MGAT5: variants seen among roughly 807,000 people sequenced by gnomAD.
The protein encoded by MGAT5 is alpha-1,6-mannosylglycoprotein 6-beta-N-acetylglucosaminyltransferase.
MGAT5 carries 30 observed loss-of-function variants against 94.3 expected under a neutral mutation model. That is an observed-to-expected ratio of 0.32 (90% confidence interval 0.24 to 0.43). The LOEUF (loss-of-function observed/expected upper bound fraction) is 0.43, where lower values mean the gene tolerates loss of function less well. MGAT5 is among the 20% of genes least tolerant of loss of function. The pLI is 1.00. For synonymous variants in MGAT5, 310 were observed against 322.9 expected (o/e 0.96, Z 0.43); for missense variants, 691 against 905.5 (o/e 0.76, Z 3.04).
intron 1 of MGAT5, among the ~76,000 whole-genome samples, chr2:134,207,176 T>C (rs1038442958): frequency 2.6e-5 from 4 of 152,294 alleles, no homozygotes; most frequent in Middle Eastern, 3.4e-3. Flanking sequence ...ACTTTTTAGA[T>C]AGTGATTCTT....
intron 1 of MGAT5, among the ~76,000 whole-genome samples, chr2:134,190,854 G>T (rs759895056): frequency 7.2e-5 from 11 of 152,128 alleles, no homozygotes; most frequent in Non-Finnish European, 1.2e-4. Context: ...TTGCCATGTT[G>T]CCCAGGCTGG....
At chr2:134,266,265 G>A (rs939576747) in intron 1 of MGAT5, among the ~76,000 whole-genome samples, 3 of 151,814 alleles carry the variant, frequency 2.0e-5, no homozygotes, top group Non-Finnish European at 2.9e-5. Flanking sequence ...CTGTTACCCA[G>A]GCTGGAGTGC....
At chr2:134,281,358 G>A (rs1477717532) in intron 2 of MGAT5, among the ~76,000 whole-genome samples, 6 of 152,304 alleles carry the variant, frequency 3.9e-5, no homozygotes, top group Admixed American at 2.6e-4. Context: ...GTCAGGCATC[G>A]GAAATGCAGC....
chr2:134,406,743 A>C (rs908590899), intron 11 of MGAT5, among the ~76,000 whole-genome samples: 1 of 152,106 alleles, frequency 6.6e-6, no homozygotes, highest in African/African-American at 2.4e-5. Flanking sequence ...AAAAAAAAAA[A>C]AAATAGCTGT....
At position 134,254,545 on chromosome 2, in the gene MGAT5, G is replaced by A. The variant is rs1372248702; in HGVS notation, c.142G>A (p.Glu48Lys). ...TQPESSSMLR[E>K]QILDLSKRYI... is the part of the protein sequence containing the mutation. ...GCCTGAAAGCAGCTCCATGCTGCGC[G>A]AGCAGATCCTGGACCTCAGCAAAAG... The change falls in exon 1 of 16, where the codon GAG becomes AAG. Residue 48 changes from glutamate (E) to lysine (K), a missense_variant. Around this residue, in one of 4 missense-constraint regions of MGAT5, gnomAD observed 307 missense variants for 335.4 expected, o/e 0.92. Coordinates refer to ENST00000281923, the MANE Select transcript of MGAT5 (RefSeq NM_002410.5). The A allele has an allele frequency of 3.1e-6, 5 of 1,614,198 alleles. No homozygotes were observed. Among genetic ancestry groups the A allele is most frequent in the East Asian group, 2.2e-5 (1 of 44,888 alleles).
At chr2:134,288,075 T>G (rs1685119441) in intron 2 of MGAT5, among the ~76,000 whole-genome samples, 1 of 152,220 alleles carries the variant, frequency 6.6e-6, no homozygotes, top group Admixed American at 6.5e-5. Context: ...CTTACTGAAT[T>G]TTGAATTCTC....
chr2:134,350,333 A>T (rs1271389505), intron 9 of MGAT5, among the ~76,000 whole-genome samples: 1 of 152,172 alleles, frequency 6.6e-6, no homozygotes, highest in Non-Finnish European at 1.5e-5. Context: ...TATTTTCCAC[A>T]TAATTAAACC....
chr2:134,311,526 C>T (rs1470693020), intron 2 of MGAT5, among the ~76,000 whole-genome samples: 1 of 151,976 alleles, frequency 6.6e-6, no homozygotes, highest in African/African-American at 2.4e-5. Context: ...CGCATGCAAA[C>T]TCCTGTCTCT....
chr2:134,361,047 T>A (rs1378874109), intron 9 of MGAT5, among the ~76,000 whole-genome samples: 1 of 152,238 alleles, frequency 6.6e-6, no homozygotes, highest in Non-Finnish European at 1.5e-5. Context: ...CGGGCGACAT[T>A]GGAGGCTGGG....
intron 1 of MGAT5, among the ~76,000 whole-genome samples, chr2:134,231,734 C>T (rs1252912949): frequency 6.6e-6 from 1 of 152,174 alleles, no homozygotes; most frequent in Admixed American, 6.5e-5. Flanking sequence ...TCTCTACCCA[C>T]TGGAGGTATT....
chr2:134,136,396 G>C (rs974070713), intron 1 of MGAT5, among the ~76,000 whole-genome samples: 1 of 152,032 alleles, frequency 6.6e-6, no homozygotes, highest in Non-Finnish European at 1.5e-5. Context: ...GCAAAATCCT[G>C]TCTCTTACCA....
chr2:134,178,741 C>T (rs568900529), intron 1 of MGAT5, among the ~76,000 whole-genome samples: 6 of 152,230 alleles, frequency 3.9e-5, no homozygotes, highest in African/African-American at 1.4e-4. Context: ...TCCCTTCCCC[C>T]GTGCCACATT....
intron 10 of MGAT5, among the ~76,000 whole-genome samples, chr2:134,364,629 T>C (rs1680309037): frequency 6.6e-6 from 1 of 152,240 alleles, no homozygotes; most frequent in Non-Finnish European, 1.5e-5. Flanking sequence ...ACCTGTGCTG[T>C]GCAGCACCTA....
intron 1 of MGAT5, among the ~76,000 whole-genome samples, chr2:134,200,851 T>C (rs1679751750): frequency 6.6e-6 from 1 of 152,090 alleles, no homozygotes; most frequent in Non-Finnish European, 1.5e-5. Flanking sequence ...ACACTCCGTC[T>C]CTACAAAAAT....
rs191288725 is a variant in MGAT5 at position 134,126,164 on chromosome 2, G to A, written c.-143+5873G>A. Among the ~76,000 whole-genome samples the A allele has an allele frequency of 2.7e-3, 407 of 152,322 alleles. 2 individuals are homozygous for A. Among genetic ancestry groups the A allele is most frequent in the African/African-American group, 8.5e-3 (352 of 41,560 alleles). On this transcript the variant is annotated intron_variant, in intron 1 of 16. Transcript: ENST00000409645. ...CCATTGGACATAGCAGTGAGCACCCGTTTCCTTTCCTGCCCTCACCTGTTC... is the reference window on the plus strand; with the variant it reads ...CCATTGGACATAGCAGTGAGCACCCATTTCCTTTCCTGCCCTCACCTGTTC...
Position 134,189,602 on chromosome 2 carries a change from G to GTTTTTTTTTTTTTGTTTT in MGAT5, c.-142-64647_-142-64646insGTTTTTTTTTTTTTTTTT, listed in dbSNP as rs1553490382. ...AACCTCATGGCTCTAGTTTTTTTTT[G>GTTTTTTTTTTTTTGTTTT]TTTTTTTTTTTTTTTTTTAAGACAG... On this transcript the variant is annotated intron_variant, in intron 1 of 16. Transcript: ENST00000409645. Among the ~76,000 whole-genome samples, 137 of 84,640 alleles carry GTTTTTTTTTTTTTGTTTT rather than the reference G, an allele frequency of 1.6e-3. 8 individuals carry two copies. The highest frequency in any genetic ancestry group is 2.7e-3 in the Non-Finnish European group (119 of 43,570). The allele number at this position is 84,640 out of a possible 152,430, so 55.5% of individuals were successfully genotyped here. A position where few individuals can be genotyped will look rare whatever the true frequency, so the allele number is the denominator to read the frequency against.
At chr2:134,148,651 T>C (rs1687031967) in intron 1 of MGAT5, among the ~76,000 whole-genome samples, 1 of 152,218 alleles carries the variant, frequency 6.6e-6, no homozygotes, top group Admixed American at 6.5e-5. Context: ...GATGAGATTA[T>C]ACTATACATG....
chr2:134,121,763 G>A lies in MGAT5; in HGVS notation c.-143+1472G>A, dbSNP rs12614501. On this transcript the variant is annotated intron_variant, in intron 1 of 16. Transcript: ENST00000409645. Reference sequence around the variant, plus strand: ...TGTTAGAGGTATCTCATTCTAAGGAGATGCGAGTGGGAAGCTGGGTCGTTG... The same window carrying A: ...TGTTAGAGGTATCTCATTCTAAGGAAATGCGAGTGGGAAGCTGGGTCGTTG... Among the ~76,000 whole-genome samples the A allele has an allele frequency of 2.1e-3, 320 of 152,338 alleles. 11 individuals are homozygous for A. In the East Asian group the frequency reaches 0.048, roughly 23 times the overall value.
At chr2:134,139,354 T>TA (rs1432061794) in intron 1 of MGAT5, among the ~76,000 whole-genome samples, 1 of 152,224 alleles carries the variant, frequency 6.6e-6, no homozygotes, top group Non-Finnish European at 1.5e-5. Flanking sequence ...GGTGTGTAGA[T>TA]ACAAATTTAC....
Sources: allele counts gnomAD v4.1 joint callset (sites outside exome capture counted in the v4.1 genomes callset), GRCh38; gene constraint gnomAD v4.1.1; regional missense constraint gnomAD v4.1.1; transcripts MANE v1.5; gene names NCBI Gene and HGNC (gene_info 2026-07-23, HGNC 2026-07-21).